PALLD: variants seen among roughly 807,000 people sequenced by gnomAD.
PALLD encodes the protein palladin, cytoskeletal associated protein, also known as palladin.
A neutral mutation model predicts 123.5 loss-of-function variants in PALLD; 61 were observed. The ratio of observed to expected loss-of-function variants is 0.49; its 90% CI spans 0.40 to 0.61. The LOEUF is 0.61. Among genes scored for constraint, PALLD ranks in the 20% least tolerant of loss-of-function variants. PALLD has a pLI of 0.00. For synonymous variants in PALLD, 465 were observed against 496.4 expected, an observed-to-expected ratio of 0.94 and a Z score of 0.84; for missense variants, 1,273 against 1,377.0, an observed-to-expected ratio of 0.92 and a Z score of 1.20.
chr4:168,562,900 G>A (rs1392779187), intron 2 of PALLD, among the ~76,000 whole-genome samples: 1 of 152,186 alleles, frequency 6.6e-6, no homozygotes, highest in East Asian at 1.9e-4. Context: ...TCCATCGTTT[G>A]TGTAGAGAAT....
intron 10 of PALLD, among the ~76,000 whole-genome samples, chr4:168,863,541 A>C (rs1298620491): frequency 6.6e-6 from 1 of 152,200 alleles, no homozygotes; most frequent in African/African-American, 2.4e-5. Context: ...GAAGCAGTGA[A>C]GGATGCAGGG....
At chr4:168,670,137 T>G (rs1780043790) in intron 3 of PALLD, among the ~76,000 whole-genome samples, 1 of 152,218 alleles carries the variant, frequency 6.6e-6, no homozygotes, top group Admixed American at 6.5e-5. Flanking sequence ...TCCATAAAAA[T>G]CCTGTCTGCT....
At chr4:168,826,510 A>C (rs956906084) in intron 10 of PALLD, among the ~76,000 whole-genome samples, 1 of 152,184 alleles carries the variant, frequency 6.6e-6, no homozygotes, top group African/African-American at 2.4e-5. Flanking sequence ...CTGGGATGAT[A>C]GTTATAGTGA....
chr4:168,557,633 T>C (rs966323896), intron 2 of PALLD, among the ~76,000 whole-genome samples: 1 of 152,216 alleles, frequency 6.6e-6, no homozygotes, highest in Non-Finnish European at 1.5e-5. Context: ...GTAATCTTCC[T>C]GTGTCCCAAT....
intron 10 of PALLD, among the ~76,000 whole-genome samples, chr4:168,744,921 C>T (rs558535090): frequency 2.0e-4 from 31 of 152,174 alleles, no homozygotes; most frequent in African/African-American, 4.3e-4. Flanking sequence ...GTAGGTTAGG[C>T]GTATTAAATG....
intron 10 of PALLD, among the ~76,000 whole-genome samples, chr4:168,853,689 G>A (rs1415885306): frequency 2.0e-5 from 3 of 152,168 alleles, no homozygotes; most frequent in Non-Finnish European, 4.4e-5. Context: ...GAGAAAAGAA[G>A]AGGCTACAGG....
intron 10 of PALLD, among the ~76,000 whole-genome samples, chr4:168,872,863 G>A (rs1401747810): frequency 6.6e-6 from 1 of 152,204 alleles, no homozygotes; most frequent in South Asian, 2.1e-4. Flanking sequence ...GACAATTGAA[G>A]CATTACTATA....
intron 1 of PALLD, among the ~76,000 whole-genome samples, chr4:168,501,311 A>G (rs1272695498): frequency 6.6e-6 from 1 of 152,102 alleles, no homozygotes; most frequent in African/African-American, 2.4e-5. Flanking sequence ...CTACTTGGGA[A>G]GCTAAAGTAA....
intron 10 of PALLD, among the ~76,000 whole-genome samples, chr4:168,814,701 T>C (rs555794876): frequency 6.6e-6 from 1 of 152,346 alleles, no homozygotes; most frequent in African/African-American, 2.4e-5. Flanking sequence ...TGACCCTCTT[T>C]CCCGAATGTC....
At chr4:168,878,136 G>A (rs769178706) in intron 10 of PALLD, 2 of 1,486,118 alleles carry the variant, frequency 1.3e-6, no homozygotes, top group East Asian at 2.8e-5. Flanking sequence ...GCCCCGTGGG[G>A]CTCCTCCTCG....
chr4:168,760,031 G>A (rs1217573702), intron 10 of PALLD, among the ~76,000 whole-genome samples: 3 of 151,310 alleles, frequency 2.0e-5, no homozygotes, highest in Non-Finnish European at 2.9e-5. Flanking sequence ...TCCAGCCTGG[G>A]CGACAGAGAC....
chr4:168,760,530 G>A (rs958804314), intron 10 of PALLD, among the ~76,000 whole-genome samples: 10 of 152,018 alleles, frequency 6.6e-5, no homozygotes, highest in South Asian at 2.1e-4. Flanking sequence ...GGGGCGTACC[G>A]GGTGCCTCAG....
At chr4:168,626,651 T>G in intron 2 of PALLD, among the ~76,000 whole-genome samples, 2 of 146,504 alleles carry the variant, frequency 1.4e-5, no homozygotes, top group Non-Finnish European at 3.0e-5. Flanking sequence ...ATTGAAGCTG[T>G]GGTGAGCCAA....
At chr4:168,766,133 G>A (rs1046594450) in intron 10 of PALLD, among the ~76,000 whole-genome samples, 3 of 152,210 alleles carry the variant, frequency 2.0e-5, no homozygotes, top group Non-Finnish European at 4.4e-5. Context: ...CAAATGTGAG[G>A]TGTGGGAGTG....
chr4:168,858,101 TGAA>T (rs1748866917), intron 10 of PALLD, among the ~76,000 whole-genome samples: 1 of 152,220 alleles, frequency 6.6e-6, no homozygotes, highest in South Asian at 2.1e-4. Context: ...ATTTCAGATT[TGAA>T]GAAGTTTTCC....
chr4:168,709,131 G>A lies in PALLD; in HGVS notation c.1605G>A (p.Gln535=), dbSNP rs1413239309. 2 of 1,613,798 alleles carry A rather than the reference G, an allele frequency of 1.2e-6. No individual in the cohort carries two copies. ...NDYGSATSTA[Q]LVVTSANTEN... ...ATGGATCAGCAACCAGCACTGCCCAGCTGGTTGTCACCTCAGGTATGTGAG... is the reference window on the plus strand; with the variant it reads ...ATGGATCAGCAACCAGCACTGCCCAACTGGTTGTCACCTCAGGTATGTGAG... Residue 535 remains glutamine, a synonymous_variant, in exon 9 of 22, where the codon CAG becomes CAA. Transcript: ENST00000505667.
intron 10 of PALLD, among the ~76,000 whole-genome samples, chr4:168,755,338 C>T (rs1167993610): frequency 2.0e-5 from 3 of 151,526 alleles, no homozygotes; most frequent in Non-Finnish European, 4.4e-5. Context: ...TGGGCAGGGA[C>T]TTGAATTATA....
intron 8 of PALLD, among the ~76,000 whole-genome samples, chr4:168,701,188 A>G (rs754456114): frequency 6.6e-6 from 1 of 152,238 alleles, no homozygotes; most frequent in East Asian, 1.9e-4. Context: ...CATAAGACTG[A>G]GTAGGAGAGT....
At chr4:168,644,587 G>A (rs143758024) in intron 2 of PALLD, among the ~76,000 whole-genome samples, 8 of 152,288 alleles carry the variant, frequency 5.3e-5, no homozygotes, top group Non-Finnish European at 1.2e-4. Flanking sequence ...TTCTGTTTGA[G>A]TGGAGTATGT....
Sources: gnomAD v4.1 joint callset for allele counts (sites outside exome capture counted in the v4.1 genomes callset) on GRCh38, gnomAD v4.1.1 for gene constraint, MANE v1.5 for transcripts, NCBI Gene and HGNC (gene_info 2026-07-23, HGNC 2026-07-21) for gene names.